TRIM49: variants seen among roughly 807,000 people sequenced by gnomAD.
TRIM49 encodes tripartite motif-containing protein 49.
TRIM49 carries 5 observed loss-of-function variants against 27.4 expected under a neutral mutation model. The observed-to-expected ratio is 0.18, with a 90% confidence interval of 0.10 to 0.38. The LOEUF is 0.38. TRIM49 is among the 10% of genes least tolerant of loss of function. The pLI is 1.00. For missense variants in TRIM49, 188 were observed against 487.5 expected (o/e 0.39, Z 5.79); for synonymous variants, 69 against 166.0 (o/e 0.42, Z 4.49).
intron 6 of TRIM49, among the ~76,000 whole-genome samples, chr11:89,800,436 C>T (rs1270298050): frequency 6.6e-6 from 1 of 151,740 alleles, no homozygotes; most frequent in East Asian, 1.9e-4. Flanking sequence ...CCTGTGCAGG[C>T]TTTCAAGCAA....
the TRIM49 span, chr11:89,786,742 G>A: frequency 7.2e-6 from 1 of 138,288 alleles, no homozygotes; most frequent in Non-Finnish European, 1.5e-5. Flanking sequence ...GAGAGATGTC[G>A]TCAGACGGAC....
the TRIM49 span, among the ~76,000 whole-genome samples, chr11:89,770,612 C>A: frequency 4.2e-5 from 6 of 141,994 alleles, no homozygotes; most frequent in Non-Finnish European, 6.0e-5. Context: ...GTAATCCCAG[C>A]ACTTTGGGAG....
the TRIM49 span, among the ~76,000 whole-genome samples, chr11:89,785,177 C>A: frequency 2.3e-4 from 34 of 145,122 alleles, 2 homozygotes; most frequent in Non-Finnish European, 4.5e-4. Context: ...GGAGATCATG[C>A]CACTGCACTC....
In TRIM49 at chr11:89,800,405, C is replaced by CA. The variant is rs199788449; in HGVS notation, c.761+560dup. On this transcript the variant is annotated intron_variant, in intron 6 of 7. Coordinates refer to ENST00000329758, the MANE Select transcript of TRIM49 (RefSeq NM_020358.2). ...CCTCTGGTGACTTTCTCACCATTCA[C>CA]AAAAAAAAACTTATCTTTCTCCTGT... 4.7e-3 allele frequency among the ~76,000 whole-genome samples: 706 copies of CA among 151,244 alleles called. 21 individuals are homozygous for CA. The highest frequency in any genetic ancestry group is 0.015 in the African/African-American group (618 of 40,920).
downstream of TRIM49, among the ~76,000 whole-genome samples, chr11:89,795,799 T>G: frequency 6.7e-6 from 1 of 149,840 alleles, no homozygotes; most frequent in South Asian, 2.1e-4. Flanking sequence ...GAGGAGTTAA[T>G]GGGTGCAGCA....
the TRIM49 span, chr11:89,786,196 C>T: frequency 0.025 from 3,105 of 124,196 alleles, 291 homozygotes; most frequent in African/African-American, 0.11. Flanking sequence ...CCTGGAGGCG[C>T]GGGGCAGAGG....
the TRIM49 span, among the ~76,000 whole-genome samples, chr11:89,768,036 T>C: frequency 7.3e-6 from 1 of 137,818 alleles, no homozygotes; most frequent in Non-Finnish European, 1.5e-5. Flanking sequence ...TTTAGTTTTG[T>C]CTGTTTGAGG....
At chr11:89,792,452 C>T in the TRIM49 span, among the ~76,000 whole-genome samples, 1 of 151,544 alleles carries the variant, frequency 6.6e-6, no homozygotes, top group South Asian at 2.1e-4. Context: ...TTCTTCTCAG[C>T]ACCACATCGC....
chr11:89,777,619 T>C, the TRIM49 span, among the ~76,000 whole-genome samples: 13 of 149,766 alleles, frequency 8.7e-5, no homozygotes, highest in Non-Finnish European at 1.8e-4. Flanking sequence ...TTCAAACATA[T>C]AGAATGGAGC....
the TRIM49 span, among the ~76,000 whole-genome samples, chr11:89,775,606 A>G: frequency 7.5e-5 from 10 of 132,736 alleles, 4 homozygotes; most frequent in African/African-American, 3.5e-4. Context: ...GAAGATAATT[A>G]ACAGTTGATT....
downstream of TRIM49, among the ~76,000 whole-genome samples, chr11:89,796,033 G>A (rs1949685857): frequency 1.3e-5 from 2 of 151,756 alleles, no homozygotes; most frequent in South Asian, 4.1e-4. Flanking sequence ...GCAGATTCTG[G>A]TGTGTATCAC....
intron 4 of TRIM49, among the ~76,000 whole-genome samples, chr11:89,802,654 G>T (rs937216568): frequency 2.9e-4 from 44 of 150,794 alleles, no homozygotes; most frequent in Non-Finnish European, 5.9e-5. Flanking sequence ...CACACTCATG[G>T]TCCACATATA....
At chr11:89,795,510 G>C (rs1949680625), downstream of TRIM49, among the ~76,000 whole-genome samples, 1 of 57,656 alleles carries the variant, frequency 1.7e-5, no homozygotes, top group Non-Finnish European at 3.6e-5. Flanking sequence ...ATAAGAGACT[G>C]GATTAAGAAA....
chr11:89,776,679 T>C, the TRIM49 span, among the ~76,000 whole-genome samples: 1 of 152,034 alleles, frequency 6.6e-6, no homozygotes, highest in South Asian at 2.1e-4. Flanking sequence ...TTCAGGAGGA[T>C]AGGTTTACGT....
chr11:89,802,715 T>A (rs1431869783), intron 4 of TRIM49, among the ~76,000 whole-genome samples: 1 of 151,144 alleles, frequency 6.6e-6, no homozygotes, highest in Non-Finnish European at 1.5e-5. Flanking sequence ...TTTGTTTCAA[T>A]TTGAATTTTT....
chr11:89,777,580 C>T, the TRIM49 span, among the ~76,000 whole-genome samples: 2 of 145,546 alleles, frequency 1.4e-5, no homozygotes, highest in Non-Finnish European at 3.0e-5. Context: ...GTTGAGACTT[C>T]GCTAAAGGAG....
chr11:89,777,885 T>G, the TRIM49 span: 1 of 541,758 alleles, frequency 1.8e-6, no homozygotes, highest in Non-Finnish European at 3.3e-6. Flanking sequence ...ATCTACTGTC[T>G]TCATCATTGC....
chr11:89,772,347 CATT>C, the TRIM49 span, among the ~76,000 whole-genome samples: 1 of 130,846 alleles, frequency 7.6e-6, no homozygotes, highest in African/African-American at 3.8e-5. Context: ...GGAAGACAAA[CATT>C]ATATGCTGAT....
Position 89,798,527 on chromosome 11 carries a change from A to G in TRIM49, c.962T>C (p.Phe321Ser). 6.3e-7 allele frequency: 1 copy of G among 1,584,830 alleles called. No homozygotes were observed. The highest frequency in any genetic ancestry group is 1.1e-5 in the South Asian group (1 of 90,138). ...IGCDHQDVPY[F>S]TATPRSFLAW... ...AAGAAAACTTCTAGGTGTTGCAGTG[A>G]AATAGGGTACATCTTGATGGTCACA... The change falls in exon 8 of 8, where the codon TTC becomes TCC. Residue 321 changes from phenylalanine (F) to serine (S), a missense_variant. Phe to Ser is a radical substitution (Grantham distance 155, BLOSUM62 -2). Transcript: ENST00000329758.
Sources: gnomAD v4.1 joint callset for allele counts (sites outside exome capture counted in the v4.1 genomes callset) on GRCh38, gnomAD v4.1.1 for gene constraint, MANE v1.5 for transcripts, NCBI Gene and HGNC (gene_info 2026-07-23, HGNC 2026-07-21) for gene names.